Variants in ANO3 observed in about 807,000 individuals in gnomAD.
ANO3 encodes anoctamin 3, also known as anoctamin-3.
In ANO3, 99 loss-of-function variants were observed where a neutral mutation model predicts 144.8. That is an observed-to-expected ratio of 0.68 (90% CI 0.58 to 0.81). ANO3 has a LOEUF of 0.81. Ranked by LOEUF, ANO3 falls within the 30% of genes least tolerant of loss-of-function variation. The pLI is 0.00. For synonymous variants in ANO3, 414 were observed against 392.6 expected (o/e 1.05, Z -0.64); for missense variants, 905 against 1,202.2 (o/e 0.75, Z 3.66).
At chr11:26,581,903 T>C (rs887252130) in intron 14 of ANO3, among the ~76,000 whole-genome samples, 1 of 152,182 alleles carries the variant, frequency 6.6e-6, no homozygotes, top group Admixed American at 6.5e-5. Context: ...ACAAAGTTCT[T>C]GGTATGTGTA....
At chr11:26,257,949 C>G (rs1853097756) in intron 1 of ANO3, among the ~76,000 whole-genome samples, 1 of 152,078 alleles carries the variant, frequency 6.6e-6, no homozygotes, top group African/African-American at 2.4e-5. Context: ...TTTGACCACA[C>G]AGTTTTATTT....
chr11:26,557,318 G>A (rs1424898633), intron 13 of ANO3, among the ~76,000 whole-genome samples: 5 of 151,622 alleles, frequency 3.3e-5, no homozygotes, highest in East Asian at 2.0e-4. Flanking sequence ...AAAATTAGCC[G>A]GGCGTGGTGG....
rs148059012 is a variant in ANO3 at position 26,338,649 on chromosome 11, C to T, written c.46+6328C>T. 3.1e-3 allele frequency among the ~76,000 whole-genome samples: 469 copies of T among 152,296 alleles called. 3 individuals carry two copies. Among genetic ancestry groups the T allele is most frequent in the Middle Eastern group, 0.027 (8 of 294 alleles). On this transcript the variant is annotated intron_variant, in intron 1 of 26. Transcript: ENST00000256737. The stretch of plus-strand genomic sequence containing the variant: ...TACCTTTATGAACTGTAGCACTCAC[C>T]GCGAGGGTCTCCAGCTTCATTCCTG...
chr11:26,610,308 A>ATTTT lies in ANO3; in HGVS notation c.1836+10609_1836+10612dup, dbSNP rs34715952. Among the ~76,000 whole-genome samples, 1,169 of 130,252 alleles carry ATTTT rather than the reference A, an allele frequency of 9.0e-3. 7 individuals carry two copies. The highest frequency in any genetic ancestry group is 0.029 in the South Asian group (121 of 4,134). 85.5% of individuals were successfully genotyped at this position (130,252 alleles called of 152,430 possible). On this transcript the variant is annotated intron_variant, in intron 17 of 26. Coordinates refer to ENST00000256737, the MANE Select transcript of ANO3 (RefSeq NM_031418.4). ...TCTCTGATGACTAGGGATGTTGAGC[A>ATTTT]TTTTTTTTTTTTTTTTTTACATACC...
At chr11:26,383,805 TAAAAA>T (rs1394065447) in intron 1 of ANO3, among the ~76,000 whole-genome samples, 21 of 145,536 alleles carry the variant, frequency 1.4e-4, no homozygotes, top group Admixed American at 1.4e-3. Flanking sequence ...TTAGAAGTAA[TAAAAA>T]ATACAAAAAA....
chr11:26,437,277 G>A (rs1229559952), intron 1 of ANO3, among the ~76,000 whole-genome samples: 14 of 152,268 alleles, frequency 9.2e-5, no homozygotes, highest in Admixed American at 3.9e-4. Context: ...GGGGCTCCAC[G>A]TGTGCCCAAG....
intron 1 of ANO3, among the ~76,000 whole-genome samples, chr11:26,191,771 G>T (rs1851482580): frequency 1.3e-5 from 2 of 152,064 alleles, no homozygotes; most frequent in South Asian, 4.1e-4. Context: ...GAGATCAAAT[G>T]CTCTCTTTTT....
chr11:26,516,957 C>A, intron 6 of ANO3, 30 bp downstream of exon 6: 1 of 1,335,892 alleles, frequency 7.5e-7, no homozygotes, highest in Non-Finnish European at 1.1e-6. Context: ...TATTTTATCT[C>A]AATATATATT....
intron 4 of ANO3, among the ~76,000 whole-genome samples, chr11:26,476,780 G>T (rs975900819): frequency 2.6e-5 from 4 of 151,994 alleles, no homozygotes; most frequent in African/African-American, 4.8e-5. Flanking sequence ...AAACCATTTA[G>T]ATGTCTATCT....
chr11:26,426,899 G>A (rs142769799), intron 1 of ANO3, among the ~76,000 whole-genome samples: 171 of 152,298 alleles, frequency 1.1e-3, no homozygotes, highest in African/African-American at 3.4e-3. Context: ...TGTGATTTTC[G>A]TTCTGTCCAG....
At chr11:26,621,815 A>G (rs61878608) in intron 17 of ANO3, among the ~76,000 whole-genome samples, 20,687 of 152,194 alleles carry the variant, frequency 0.14, 1,720 homozygotes, top group Non-Finnish European at 0.18. Context: ...TACTAAATGC[A>G]TCAGTGGCTG....
intron 5 of ANO3, among the ~76,000 whole-genome samples, chr11:26,509,968 C>G (rs1343931897): frequency 6.6e-6 from 1 of 151,602 alleles, no homozygotes; most frequent in East Asian, 2.0e-4. Flanking sequence ...GTGGTGAAAA[C>G]CCATCTCTTA....
intron 1 of ANO3, among the ~76,000 whole-genome samples, chr11:26,238,926 T>C (rs995205746): frequency 3.3e-5 from 5 of 151,758 alleles, no homozygotes; most frequent in Admixed American, 6.6e-5. Context: ...AAAGTTTTGC[T>C]AGCTAGAGAT....
intron 18 of ANO3, among the ~76,000 whole-genome samples, chr11:26,633,295 G>C (rs1476571551): frequency 6.6e-6 from 1 of 151,992 alleles, no homozygotes; most frequent in Non-Finnish European, 1.5e-5. Flanking sequence ...GAGTCGACAG[G>C]GTTTTTAGAA....
intron 1 of ANO3, among the ~76,000 whole-genome samples, chr11:26,205,548 A>G (rs1005803577): frequency 6.6e-6 from 1 of 152,192 alleles, no homozygotes; most frequent in South Asian, 2.1e-4. Context: ...TTGTCTGAAC[A>G]ATGGATATTT....
chr11:26,656,353 C>A, intron 25 of ANO3, 23 bp from the exon 26 acceptor site: 1 of 1,540,034 alleles, frequency 6.5e-7, no homozygotes, highest in Non-Finnish European at 9.0e-7. Context: ...ATTTGTCATT[C>A]TCTTTGTTTT....
upstream of ANO3, among the ~76,000 whole-genome samples, chr11:26,307,225 A>T (rs1386221976): frequency 6.6e-6 from 1 of 152,034 alleles, no homozygotes; most frequent in Non-Finnish European, 1.5e-5. Flanking sequence ...GTGGTGGCAC[A>T]TATCTCTAGT....
rs1200252482 is a variant in ANO3 at position 26,537,477 on chromosome 11, A to G, written c.1032+16A>G. ...ACCACATGAGGTAATTTTGAAATAC[A>G]GTTTCCGCTTTATAAACAAGGTTTT... On this transcript the variant is annotated intron_variant, in intron 10 of 26. Transcript: ENST00000256737. The G allele has an allele frequency of 3.1e-6, 5 of 1,606,580 alleles. No homozygotes were observed. Among genetic ancestry groups the G allele is most frequent in the African/African-American group, 1.3e-5 (1 of 74,764 alleles).
chr11:26,472,432 A>G (rs1859815842), intron 4 of ANO3, among the ~76,000 whole-genome samples: 3 of 151,950 alleles, frequency 2.0e-5, no homozygotes, highest in Non-Finnish European at 4.4e-5. Flanking sequence ...TAGGTGAGGA[A>G]ATGAAGGCTT....
Sources: allele counts gnomAD v4.1 joint callset (sites outside exome capture counted in the v4.1 genomes callset), GRCh38; gene constraint gnomAD v4.1.1; transcripts MANE v1.5; gene names NCBI Gene and HGNC (gene_info 2026-07-23, HGNC 2026-07-21).